TENM4: variants seen among roughly 807,000 people sequenced by gnomAD.
The protein encoded by TENM4 is teneurin transmembrane protein 4, also known as teneurin-4.
A neutral mutation model predicts 243.3 loss-of-function variants in TENM4; 82 were observed. That is an observed-to-expected ratio of 0.34 (90% CI 0.28 to 0.40). The LOEUF (loss-of-function observed/expected upper bound fraction) is 0.40. Among genes scored for constraint, TENM4 ranks in the 10% least tolerant of loss-of-function variants. The pLI is 1.00. For synonymous variants in TENM4, 1,412 were observed against 1,456.3 expected, an observed-to-expected ratio of 0.97 and a Z score of 0.69; for missense variants, 3,138 against 3,673.3, an observed-to-expected ratio of 0.85 and a Z score of 3.77.
chr11:79,351,380 G>A, intron 1 of TENM4, among the ~76,000 whole-genome samples: 1 of 152,176 alleles, frequency 6.6e-6, no homozygotes, highest in East Asian at 1.9e-4. Context: ...CACTGCCTGG[G>A]AGAGTGCCTG....
Position 79,256,118 on chromosome 11 carries a change from T to G in TENM4, c.-264-40209A>C, listed in dbSNP as rs182102369. ...CCCCCAACTCTTCCCTGCTAGGCTA[T>G]AGTTGTTAGTAGTGGCTTCTTTCTT... is the stretch of plus-strand genomic sequence containing the variant. On this transcript the variant is annotated intron_variant, in intron 2 of 33. Coordinates refer to ENST00000278550, the MANE Select transcript of TENM4 (RefSeq NM_001098816.3). Among the ~76,000 whole-genome samples the G allele has an allele frequency of 5.3e-5, 8 of 152,324 alleles. No individual in the cohort carries two copies. In the East Asian group the frequency reaches 1.5e-3, roughly 29 times the overall value.
intron 19 of TENM4, among the ~76,000 whole-genome samples, chr11:78,754,757 C>T (rs1417071378): frequency 6.6e-6 from 1 of 152,206 alleles, no homozygotes; most frequent in East Asian, 1.9e-4. Context: ...CTCACTCCGG[C>T]TCTGCCACTT....
intron 3 of TENM4, among the ~76,000 whole-genome samples, chr11:79,169,854 G>T (rs867683132): frequency 6.6e-6 from 1 of 152,212 alleles, no homozygotes. Flanking sequence ...AACTTAACTT[G>T]TGTTTCCTTT....
At chr11:78,729,874 G>A (rs982748287) in intron 21 of TENM4, among the ~76,000 whole-genome samples, 1 of 152,164 alleles carries the variant, frequency 6.6e-6, no homozygotes, top group East Asian at 1.9e-4. Flanking sequence ...AGAAAGATTG[G>A]GGAGGAGTAA....
intron 4 of TENM4, among the ~76,000 whole-genome samples, chr11:79,085,783 C>G (rs1019224048): frequency 1.6e-4 from 24 of 152,178 alleles, no homozygotes; most frequent in African/African-American, 5.8e-4. Context: ...CAGATGCAGT[C>G]TTATTACCTG....
In TENM4 at chr11:78,669,928, C is replaced by T. The variant is rs1858274851; in HGVS notation, c.6417G>A (p.Met2139Ile). The T allele has an allele frequency of 6.2e-7, 1 of 1,613,750 alleles. No homozygotes were observed. The highest frequency in any genetic ancestry group is 8.5e-7 in the Non-Finnish European group (1 of 1,179,868). Residue 2139 changes from methionine to isoleucine, a missense_variant, in exon 32 of 34, where the codon ATG becomes ATA. Around this residue, in one of 2 missense-constraint regions of TENM4, gnomAD observed 2,467 missense variants for 3,059.1 expected, o/e 0.81. Transcript: ENST00000278550. The surrounding 1 kb of genome is among the most constrained non-coding windows in gnomAD (Gnocchi z 6.4). ...DINQIITTAV[M>I]THTKHFDAYG... ...ATGCATCAAAATGCTTGGTGTGGGT[C>T]ATGACAGCTGTGGTGATGATCTGGT...
chr11:79,099,895 G>A (rs2510133), intron 4 of TENM4, among the ~76,000 whole-genome samples: 85,448 of 151,996 alleles, frequency 0.56, 25,514 homozygotes, highest in African/African-American at 0.77. Flanking sequence ...GGTTTTAACA[G>A]CTGTGGAGCT....
chr11:78,684,750 A>G lies in TENM4; in HGVS notation c.5260+3304T>C, dbSNP rs367940514. On this transcript the variant is annotated intron_variant, in intron 29 of 33. Transcript: ENST00000278550. ...TGCCTTCATGCAGAAAACAGAGACA[A>G]TAATACTTACCTCCTAGGCATATGC... Among the ~76,000 whole-genome samples, 580 of 152,230 alleles carry G rather than the reference A, an allele frequency of 3.8e-3. 1 individual carries two copies. Among genetic ancestry groups the G allele is most frequent in the Non-Finnish European group, 6.1e-3 (413 of 68,042 alleles).
intron 1 of TENM4, among the ~76,000 whole-genome samples, chr11:79,382,803 G>C (rs1004503496): frequency 1.3e-5 from 2 of 152,078 alleles, no homozygotes; most frequent in African/African-American, 4.8e-5. Flanking sequence ...CTCTCTATGG[G>C]GAGAATCCTT....
intron 1 of TENM4, among the ~76,000 whole-genome samples, chr11:79,311,974 T>C (rs1272299957): frequency 3.3e-5 from 5 of 152,166 alleles, no homozygotes; most frequent in African/African-American, 1.2e-4. Context: ...TCTGAACTGT[T>C]CAAGGCCTCC....
Position 78,670,347 on chromosome 11 carries a change from G to A in TENM4, c.5998C>T (p.His2000Tyr), listed in dbSNP as rs771253274. The change falls in exon 32 of 34, where the codon CAC (histidine) becomes TAC (tyrosine). Residue 2000 changes from histidine to tyrosine, a missense_variant. By Grantham distance (83) the His-to-Tyr change is moderately conservative. This residue lies in a region of TENM4 where 2,467 missense variants were observed against 3,059.1 expected (regional missense o/e 0.81). Coordinates refer to ENST00000278550, the MANE Select transcript of TENM4 (RefSeq NM_001098816.3). ...QDFTEDGHLL[H>Y]TFYLGTGRRV... ...CGGCCAGTGCCCAGGTAGAAGGTGTGAAGGAGGTGCCCATCCTCAGTGAAG... is the reference window on the plus strand; with the variant it reads ...CGGCCAGTGCCCAGGTAGAAGGTGTAAAGGAGGTGCCCATCCTCAGTGAAG... 1 of 1,613,930 alleles carries A rather than the reference G, an allele frequency of 6.2e-7. No homozygotes were observed. The highest frequency in any genetic ancestry group is 8.5e-7 in the Non-Finnish European group (1 of 1,179,852).
At position 79,031,441 on chromosome 11, in the gene TENM4, A is replaced by G. The variant is rs149363484; in HGVS notation, c.493+33297T>C. 2.5e-3 allele frequency among the ~76,000 whole-genome samples: 375 copies of G among 152,216 alleles called. 1 individual carries two copies. Among genetic ancestry groups the G allele is most frequent in the African/African-American group, 8.2e-3 (340 of 41,516 alleles). On this transcript the variant is annotated intron_variant, in intron 6 of 33. Transcript: ENST00000278550. ...AGGGTGGGGAGTCAGCAGGGAAAGG[A>G]GCTTTCTCATAGGCACCAGGAAGCC...
At chr11:79,172,476 C>A (rs1863066893) in intron 3 of TENM4, among the ~76,000 whole-genome samples, 1 of 152,122 alleles carries the variant, frequency 6.6e-6, no homozygotes, top group Non-Finnish European at 1.5e-5. Flanking sequence ...ATTCTCAATT[C>A]TTTGCTTTCC....
chr11:79,298,342 C>T (rs922433554), intron 1 of TENM4, among the ~76,000 whole-genome samples: 1 of 151,346 alleles, frequency 6.6e-6, no homozygotes, highest in Non-Finnish European at 1.5e-5. Flanking sequence ...GGTGAAACCC[C>T]GTCTCTACTA....
chr11:78,798,289 G>C (rs1857206612), intron 15 of TENM4, among the ~76,000 whole-genome samples: 1 of 152,184 alleles, frequency 6.6e-6, no homozygotes, highest in East Asian at 1.9e-4. Flanking sequence ...AGTTTATTTT[G>C]CTGTCGATTG....
chr11:79,144,149 A>G (rs974087021), intron 4 of TENM4, among the ~76,000 whole-genome samples: 2 of 152,102 alleles, frequency 1.3e-5, no homozygotes, highest in Non-Finnish European at 2.9e-5. Flanking sequence ...AAAGATCTGA[A>G]TAGAAGAATG....
At chr11:79,054,356 A>G (rs1391449836) in intron 6 of TENM4, among the ~76,000 whole-genome samples, 2 of 152,154 alleles carry the variant, frequency 1.3e-5, no homozygotes, top group Non-Finnish European at 2.9e-5. Flanking sequence ...ATACTTAGTC[A>G]TTCTCAGAAA....
At chr11:79,050,273 A>C (rs1242219920) in intron 6 of TENM4, among the ~76,000 whole-genome samples, 1 of 152,216 alleles carries the variant, frequency 6.6e-6, no homozygotes, top group African/African-American at 2.4e-5. Flanking sequence ...ATCTTTTTTC[A>C]AAATAAAATC....
In TENM4 at chr11:79,202,148, C is replaced by T. The variant is rs141134919; in HGVS notation, c.-163+13660G>A. On this transcript the variant is annotated intron_variant, in intron 3 of 33. Transcript: ENST00000278550. The stretch of plus-strand genomic sequence containing the variant: ...TGAGCCTGAGGTGTCTTTGCTGCCT[C>T]CTGTAGACACTGGTCACAGCACTGC... Among the ~76,000 whole-genome samples, 221 of 152,268 alleles carry T rather than the reference C, an allele frequency of 1.5e-3. 2 individuals carry two copies. Among genetic ancestry groups the T allele is most frequent in the African/African-American group, 5.1e-3 (212 of 41,548 alleles).
Sources: allele counts gnomAD v4.1 joint callset (sites outside exome capture counted in the v4.1 genomes callset), GRCh38; gene constraint gnomAD v4.1.1; regional missense constraint gnomAD v4.1.1; non-coding constraint Gnocchi (gnomAD v3.1); transcripts MANE v1.5; gene names NCBI Gene and HGNC (gene_info 2026-07-23, HGNC 2026-07-21).